The following RANBP3 variants were observed in gnomAD, a reference collection of about 807,000 sequenced individuals.
The protein encoded by RANBP3 is RAN binding protein 3, also known as ran-binding protein 3.
In RANBP3, 14 loss-of-function variants were observed where a neutral mutation model predicts 77.3. The ratio of observed to expected loss-of-function variants is 0.18; its 90% CI spans 0.12 to 0.28. The LOEUF is 0.28. RANBP3 is among the 10% of genes least tolerant of loss of function. The pLI, the probability that RANBP3 is intolerant of heterozygous loss-of-function variation, is 1.00. For synonymous variants in RANBP3, 315 were observed against 312.4 expected (o/e 1.01, Z -0.09); for missense variants, 586 against 752.3 (o/e 0.78, Z 2.59).
chr19:5,977,013 G>C (rs2058600273), intron 1 of RANBP3, among the ~76,000 whole-genome samples: 1 of 152,152 alleles, frequency 6.6e-6, no homozygotes, highest in African/African-American at 2.4e-5. Context: ...TCCTACCAGG[G>C]AAAACAGTAT....
At chr19:5,957,853 G>T in intron 2 of RANBP3, 65 bp downstream of exon 2, 1 of 1,561,472 alleles carries the variant, frequency 6.4e-7, no homozygotes, top group Non-Finnish European at 8.8e-7. Flanking sequence ...CTGGAAAAGA[G>T]ACTCTCAGTA....
chr19:5,935,804 G>GGGT (rs1421946494), intron 5 of RANBP3: 1 of 456,728 alleles, frequency 2.2e-6, no homozygotes, highest in Non-Finnish European at 4.4e-6. Context: ...ACGAAAACAA[G>GGGT]GGTGGTCTCT....
At chr19:5,965,906 T>C (rs2058462118) in intron 1 of RANBP3, 1 of 152,168 alleles carries the variant, frequency 6.6e-6, no homozygotes, top group Admixed American at 6.5e-5. Flanking sequence ...CCTTAGGAGG[T>C]GGCTTACACC....
intron 6 of RANBP3, chr19:5,932,759 C>T (rs527598591): frequency 1.5e-4 from 84 of 567,032 alleles, no homozygotes; most frequent in South Asian, 1.5e-3. Context: ...TCCCAGTGAC[C>T]GACGCCTGTG....
chr19:5,929,351 G>A (rs1202725786), intron 8 of RANBP3, among the ~76,000 whole-genome samples: 2 of 152,262 alleles, frequency 1.3e-5, no homozygotes, highest in Non-Finnish European at 2.9e-5. Flanking sequence ...ATCCCGTCCA[G>A]CAGAAACACT....
chr19:5,917,669 A>G lies in RANBP3; in HGVS notation c.1661-16T>C, dbSNP rs2057757938. The G allele has an allele frequency of 6.2e-7, 1 of 1,605,590 alleles. No homozygotes were observed. The highest frequency in any genetic ancestry group is 8.5e-7 in the Non-Finnish European group (1 of 1,178,786). ...TCACCAGCACCTGCAGGGAAGCAGC[A>G]GCCCCGCATCAGGATGGAGCCCGCA... On this transcript the variant is annotated splice_polypyrimidine_tract_variant and intron_variant, in intron 16 of 16. Transcript: ENST00000340578.
At chr19:5,976,726 G>A (rs1442601940) in intron 1 of RANBP3, 3 of 152,328 alleles carry the variant, frequency 2.0e-5, no homozygotes, top group African/African-American at 7.2e-5. Flanking sequence ...CCTGGCTACA[G>A]AGCTAGACTC....
chr19:5,947,626 G>A (rs1192916704), intron 3 of RANBP3, among the ~76,000 whole-genome samples: 1 of 152,220 alleles, frequency 6.6e-6, no homozygotes, highest in Non-Finnish European at 1.5e-5. Context: ...TCTGGCACTG[G>A]GACAGCAGGA....
chr19:5,932,899 T>C, intron 6 of RANBP3: 1 of 321,738 alleles, frequency 3.1e-6, no homozygotes, highest in Non-Finnish European at 5.8e-6. Flanking sequence ...TGGGGTCACG[T>C]ACAGGCACAT....
intron 2 of RANBP3, among the ~76,000 whole-genome samples, chr19:5,955,674 A>G (rs924884636): frequency 2.0e-5 from 3 of 152,210 alleles, no homozygotes; most frequent in Non-Finnish European, 4.4e-5. Context: ...ACTGATTCCT[A>G]TTGTTTGTTT....
At position 5,921,418 on chromosome 19, in the gene RANBP3, G is replaced by A. The variant is rs1223419636; in HGVS notation, c.1210-97C>T. The A allele has an allele frequency of 1.3e-6, 2 of 1,520,122 alleles. No homozygotes were observed. Among genetic ancestry groups the A allele is most frequent in the South Asian group, 1.3e-5 (1 of 79,658 alleles). 94.2% of individuals were successfully genotyped at this position (1,520,122 alleles called of 1,614,324 possible). A position where few individuals can be genotyped will look rare whatever the true frequency, so the allele number is the denominator to read the frequency against. On this transcript the variant is annotated intron_variant, in intron 13 of 16. Transcript: ENST00000340578. This position sits in a 1 kb window ranked among gnomAD's most constrained non-coding sequence, Gnocchi z 5.3. ...CCCTTTAGCCTGTGGGGACTGCCAG[G>A]GCCAGCCAACGACGGCCTGGGGGCC... is the stretch of plus-strand genomic sequence containing the variant.
chr19:5,964,849 G>GGGT (rs1360319545), intron 1 of RANBP3, among the ~76,000 whole-genome samples: 2 of 99,396 alleles, frequency 2.0e-5, no homozygotes, highest in African/African-American at 7.0e-5. Context: ...GGAGGTGGTA[G>GGGT]GGTGGGGGGG....
chr19:5,976,050 TG>T (rs375559159), intron 1 of RANBP3, among the ~76,000 whole-genome samples: 3 of 152,028 alleles, frequency 2.0e-5, no homozygotes, highest in East Asian at 3.9e-4. Flanking sequence ...GGAGAAGTGG[TG>T]GTCCCCCTTT....
At chr19:5,976,861 C>A (rs1206484013) in intron 1 of RANBP3, among the ~76,000 whole-genome samples, 1 of 152,246 alleles carries the variant, frequency 6.6e-6, no homozygotes. Context: ...GGACTGAGCA[C>A]CCGTGGTCTG....
chr19:5,936,511 C>T (rs1399091806), intron 5 of RANBP3, among the ~76,000 whole-genome samples: 1 of 152,228 alleles, frequency 6.6e-6, no homozygotes, highest in Non-Finnish European at 1.5e-5. Flanking sequence ...AGCAGGGCTA[C>T]ACCTGAGTCA....
intron 1 of RANBP3, among the ~76,000 whole-genome samples, chr19:5,973,932 G>A (rs1489484103): frequency 3.3e-5 from 5 of 152,120 alleles, no homozygotes; most frequent in Non-Finnish European, 2.9e-5. Context: ...AGTGGACAGC[G>A]GAGTTAAAAC....
At chr19:5,975,272 G>A (rs527493089) in intron 1 of RANBP3, among the ~76,000 whole-genome samples, 29 of 152,262 alleles carry the variant, frequency 1.9e-4, no homozygotes, top group Middle Eastern at 3.4e-3. Context: ...CAGAACTAGC[G>A]TCAGGGACAA....
At chr19:5,942,003 C>T (rs117825184) in intron 3 of RANBP3, among the ~76,000 whole-genome samples, 168 bp from the exon 4 acceptor site, 1 of 152,148 alleles carries the variant, frequency 6.6e-6, no homozygotes, top group Non-Finnish European at 1.5e-5. Context: ...AACATCCCCC[C>T]GATGAACCTC....
intron 3 of RANBP3, among the ~76,000 whole-genome samples, chr19:5,943,251 G>T (rs936218961): frequency 6.6e-6 from 1 of 152,210 alleles, no homozygotes; most frequent in Non-Finnish European, 1.5e-5. Flanking sequence ...CTGCCTCGAC[G>T]AGCTGCTGGG....
Sources: allele counts gnomAD v4.1 joint callset (sites outside exome capture counted in the v4.1 genomes callset), GRCh38; gene constraint gnomAD v4.1.1; non-coding constraint Gnocchi (gnomAD v3.1); transcripts MANE v1.5; gene names NCBI Gene and HGNC (gene_info 2026-07-23, HGNC 2026-07-21).